WDFY4: variants seen among roughly 807,000 people sequenced by gnomAD.
The protein encoded by WDFY4 is WD repeat- and FYVE domain-containing protein 4.
A neutral mutation model predicts 351.9 loss-of-function variants in WDFY4; 169 were observed. That is an observed-to-expected ratio of 0.48 (90% CI 0.42 to 0.55). The LOEUF (loss-of-function observed/expected upper bound fraction) is 0.55, where lower values mean the gene tolerates loss of function less well. Among genes scored for constraint, WDFY4 ranks in the 20% least tolerant of loss-of-function variants. WDFY4 has a pLI of 0.00. For synonymous variants in WDFY4, 1,622 were observed against 1,574.6 expected (o/e 1.03, Z -0.71); for missense variants, 3,803 against 3,935.6 (o/e 0.97, Z 0.90).
At chr10:48,960,799 C>G (rs1260872802) in intron 53 of WDFY4, among the ~76,000 whole-genome samples, 1 of 152,142 alleles carries the variant, frequency 6.6e-6, no homozygotes, top group Non-Finnish European at 1.5e-5. Context: ...AATGCATTAT[C>G]CTACATGAAA....
Position 48,946,980 on chromosome 10 carries a change from G to T in WDFY4, c.7977+11G>T. On this transcript the variant is annotated intron_variant, in intron 51 of 61. Transcript: ENST00000325239. ...TTCTGCGCTCTGCAGGTGAGCTGCT[G>T]CCACTCTCTGTACACACACACACAC... 3 of 1,511,376 alleles carry T rather than the reference G, an allele frequency of 2.0e-6. No individual in the cohort carries two copies. The highest frequency in any genetic ancestry group is 1.8e-6 in the Non-Finnish European group (2 of 1,120,172). 93.6% of individuals were successfully genotyped at this position (1,511,376 alleles called of 1,614,324 possible). A position where few individuals can be genotyped will look rare whatever the true frequency, so the allele number is the denominator to read the frequency against.
intron 39 of WDFY4, among the ~76,000 whole-genome samples, chr10:48,861,831 G>T (rs1029421897): frequency 6.6e-6 from 1 of 152,116 alleles, no homozygotes; most frequent in African/African-American, 2.4e-5. Flanking sequence ...ATGACACAAA[G>T]ATTAAATCTT....
intron 47 of WDFY4, among the ~76,000 whole-genome samples, chr10:48,922,504 T>A (rs948035656): frequency 6.6e-6 from 1 of 152,238 alleles, no homozygotes; most frequent in African/African-American, 2.4e-5. Flanking sequence ...ATCTGTGAAG[T>A]TGAGAACAGT....
intron 44 of WDFY4, among the ~76,000 whole-genome samples, chr10:48,897,071 T>C (rs952521967): frequency 6.6e-6 from 1 of 152,078 alleles, no homozygotes; most frequent in East Asian, 1.9e-4. Flanking sequence ...ACAGGACCCA[T>C]GAAGCCCTCC....
chr10:48,714,473 A>G lies in WDFY4; in HGVS notation c.234+4507A>G, dbSNP rs565434270. 2.0e-5 allele frequency among the ~76,000 whole-genome samples: 3 copies of G among 152,338 alleles called. No homozygotes were observed. The South Asian group carries it at 6.2e-4, about 32-fold the overall frequency. On this transcript the variant is annotated intron_variant, in intron 2 of 61. Transcript: ENST00000325239. ...TGGTGTGCAGAGTAGTGTTTTTAAG[A>G]AAGACTCAATAGGCTGTTGTTCTTT...
chr10:48,910,190 G>A lies in WDFY4; in HGVS notation c.7586+8327G>A, dbSNP rs201662571. On this transcript the variant is annotated intron_variant, in intron 47 of 61. Coordinates refer to ENST00000325239, the MANE Select transcript of WDFY4 (RefSeq NM_001394531.1). Reference sequence around the variant, plus strand: ...CTGGGGGCTTCTCCTCTTCAGAGTCGTTTATTCTGTTAGCTGAGTAGTCTT... The same window carrying A: ...CTGGGGGCTTCTCCTCTTCAGAGTCATTTATTCTGTTAGCTGAGTAGTCTT... 142 of 1,499,356 alleles carry A rather than the reference G, an allele frequency of 9.5e-5. No individual in the cohort carries two copies. In the African/African-American group the frequency reaches 1.7e-3, roughly 18 times the overall value. The allele number at this position is 1,499,356 out of a possible 1,614,324, so 92.9% of individuals were successfully genotyped here.
At chr10:48,914,409 C>T (rs1364147574) in intron 47 of WDFY4, among the ~76,000 whole-genome samples, 1 of 152,170 alleles carries the variant, frequency 6.6e-6, no homozygotes, top group Non-Finnish European at 1.5e-5. Context: ...GTGACTTCTT[C>T]AGACTTTGAT....
intron 1 of WDFY4, among the ~76,000 whole-genome samples, chr10:48,703,174 C>CTATT (rs201014045): frequency 0.03 from 4,546 of 152,148 alleles, 98 homozygotes; most frequent in South Asian, 0.085. Context: ...AATGGCTTTG[C>CTATT]TATTTATTTA....
rs2068228850 is a variant in WDFY4, at chr10:48,832,629, A to G, written c.6583A>G (p.Thr2195Ala). Residue 2195 changes from threonine (T) to alanine (A), a missense_variant, in exon 39 of 62, where the codon ACT becomes GCT. Around this residue, in one of 3 missense-constraint regions of WDFY4, gnomAD observed 3,054 missense variants for 3,148.6 expected, o/e 0.97. Transcript: ENST00000325239. Reference protein sequence around the residue: ...RSNVAHHSKVTLWSGSLSSAM... With the variant: ...RSNVAHHSKVALWSGSLSSAM... Reference sequence around the variant, plus strand: ...AAATGTTGCACACCACAGCAAAGTCACTTTGTGGAGTGGAAGCCTGTCCTC... The same window carrying G: ...AAATGTTGCACACCACAGCAAAGTCGCTTTGTGGAGTGGAAGCCTGTCCTC... The G allele has an allele frequency of 9.0e-6, 14 of 1,551,328 alleles. No homozygotes were observed. The highest frequency in any genetic ancestry group is 1.1e-5 in the Non-Finnish European group (13 of 1,146,728).
chr10:48,892,729 G>T (rs1236974612), intron 44 of WDFY4, among the ~76,000 whole-genome samples: 3 of 152,214 alleles, frequency 2.0e-5, no homozygotes, highest in African/African-American at 7.2e-5. Context: ...CTATGGAATT[G>T]AGTCAGTTGC....
intron 7 of WDFY4, 128 bp downstream of exon 7, chr10:48,727,787 G>C: frequency 8.4e-7 from 1 of 1,194,642 alleles, no homozygotes; most frequent in South Asian, 1.6e-5. Context: ...CCTCTTATTT[G>C]CAAAAGTGAT....
chr10:48,907,856 C>A (rs1837700669), intron 47 of WDFY4, among the ~76,000 whole-genome samples: 1 of 152,212 alleles, frequency 6.6e-6, no homozygotes, highest in African/African-American at 2.4e-5. Flanking sequence ...GGGAGCACAA[C>A]TGTGGAGACC....
intron 51 of WDFY4, 92 bp downstream of exon 51, chr10:48,947,061 G>C: frequency 2.8e-6 from 3 of 1,070,898 alleles, no homozygotes; most frequent in Non-Finnish European, 4.1e-6. Context: ...CTTGAACAAA[G>C]ACAGGATGCC....
At chr10:48,979,592 T>A (rs540854323) in intron 60 of WDFY4, 1 of 151,592 alleles carries the variant, frequency 6.6e-6, no homozygotes, top group Admixed American at 6.6e-5. Flanking sequence ...GATGGATGGA[T>A]GGATGGATGG....
At chr10:48,926,008 A>G (rs1374562615) in intron 47 of WDFY4, among the ~76,000 whole-genome samples, 2 of 152,206 alleles carry the variant, frequency 1.3e-5, no homozygotes, top group Non-Finnish European at 2.9e-5. Flanking sequence ...GAATACAGCC[A>G]AAGTCAAACC....
intron 51 of WDFY4, among the ~76,000 whole-genome samples, chr10:48,955,749 T>C (rs1841557369): frequency 1.3e-5 from 2 of 152,132 alleles, no homozygotes; most frequent in South Asian, 4.1e-4. Context: ...CCTGCCCTTT[T>C]TTACCTCCAC....
Position 48,726,079 on chromosome 10 carries a change from C to G in WDFY4, c.781+9C>G. ...CATCCAGTACCTGCAGGGTATGGCC[C>G]GGGAAATTAGATGTGGGCTGTGGGC... On this transcript the variant is annotated intron_variant, in intron 6 of 61. Coordinates refer to ENST00000325239, the MANE Select transcript of WDFY4 (RefSeq NM_001394531.1). The G allele has an allele frequency of 1.3e-6, 2 of 1,532,588 alleles. No homozygotes were observed. Among genetic ancestry groups the G allele is most frequent in the Non-Finnish European group, 1.8e-6 (2 of 1,131,476 alleles). 94.9% of individuals were successfully genotyped at this position (1,532,588 alleles called of 1,614,324 possible).
intron 51 of WDFY4, 44 bp downstream of exon 51, chr10:48,947,013 C>CACACACATA: frequency 7.4e-7 from 1 of 1,348,160 alleles, no homozygotes; most frequent in Non-Finnish European, 1.0e-6. Flanking sequence ...CACACACACA[C>CACACACATA]ACACACATAC....
chr10:48,786,494 T>C, intron 19 of WDFY4, 145 bp from the exon 20 acceptor site: 1 of 634,104 alleles, frequency 1.6e-6, no homozygotes, highest in Non-Finnish European at 2.5e-6. Context: ...ACTTCTGAGA[T>C]TTGAGAATTA....
Sources: gnomAD v4.1 joint callset for allele counts (sites outside exome capture counted in the v4.1 genomes callset) on GRCh38, gnomAD v4.1.1 for gene constraint, gnomAD v4.1.1 regional missense constraint, MANE v1.5 for transcripts, NCBI Gene and HGNC (gene_info 2026-07-23, HGNC 2026-07-21) for gene names.